NXN: variants seen among roughly 807,000 people sequenced by gnomAD.
NXN encodes nucleoredoxin.
NXN carries 16 observed loss-of-function variants against 48.6 expected under a neutral mutation model. That is an observed-to-expected ratio of 0.33 (90% CI 0.22 to 0.50). NXN has a LOEUF of 0.50. Ranked by LOEUF, NXN falls within the 20% of genes least tolerant of loss-of-function variation. The probability of loss-of-function intolerance (pLI) is 0.98; values close to 1 mark genes in which losing one functional copy is unlikely to be tolerated. For synonymous variants in NXN, 281 were observed against 269.6 expected, an observed-to-expected ratio of 1.04 and a Z score of -0.41; for missense variants, 492 against 605.5, an observed-to-expected ratio of 0.81 and a Z score of 1.97.
chr17:818,010 G>C (rs1398111772), intron 5 of NXN, among the ~76,000 whole-genome samples: 1 of 152,158 alleles, frequency 6.6e-6, no homozygotes, highest in East Asian at 1.9e-4. Context: ...TGTCATCCCA[G>C]CACTTTGGGA....
At chr17:864,831 C>T (rs2144790233) in intron 1 of NXN, among the ~76,000 whole-genome samples, 1 of 152,316 alleles carries the variant, frequency 6.6e-6, no homozygotes, top group South Asian at 2.1e-4. Context: ...GGAGGCAACC[C>T]AGGCGGTGTT....
chr17:896,707 G>C (rs1438023114), intron 1 of NXN, among the ~76,000 whole-genome samples: 3 of 152,130 alleles, frequency 2.0e-5, no homozygotes, highest in African/African-American at 4.8e-5. Context: ...AGTTTTTGTG[G>C]AATTGACAGA....
intron 1 of NXN, among the ~76,000 whole-genome samples, chr17:838,252 C>G (rs1913940908): frequency 6.6e-6 from 1 of 151,634 alleles, no homozygotes; most frequent in Non-Finnish European, 1.5e-5. Context: ...CTGCCTCCGC[C>G]TCCCGAGTAG....
chr17:955,670 GC>G (rs1314447090), intron 1 of NXN, among the ~76,000 whole-genome samples: 1 of 151,154 alleles, frequency 6.6e-6, no homozygotes, highest in Non-Finnish European at 1.5e-5. Context: ...GCCGAGGCGG[GC>G]GGATCACAAG....
chr17:943,818 C>A (rs898333181), intron 1 of NXN, among the ~76,000 whole-genome samples: 12 of 148,994 alleles, frequency 8.1e-5, no homozygotes, highest in African/African-American at 3.0e-4. Flanking sequence ...GAGTATGACT[C>A]CGTCTCTAAA....
chr17:960,092 T>TA lies in NXN; in HGVS notation c.360+19226dup, dbSNP rs544998504. Among the ~76,000 whole-genome samples, 127 of 149,170 alleles carry TA rather than the reference T, an allele frequency of 8.5e-4. 1 individual carries two copies. The highest frequency in any genetic ancestry group is 1.6e-3 in the African/African-American group (67 of 40,682). The stretch of plus-strand genomic sequence containing the variant: ...GGGAGACAGAGCGAGACTCCATCTT[T>TA]AAAAAAAAAATGGAATAATCAAGTG... On this transcript the variant is annotated intron_variant, in intron 1 of 7. Coordinates refer to ENST00000336868, the MANE Select transcript of NXN (RefSeq NM_022463.5).
At chr17:962,514 A>G (rs896922061) in intron 1 of NXN, among the ~76,000 whole-genome samples, 1 of 152,192 alleles carries the variant, frequency 6.6e-6, no homozygotes, top group Non-Finnish European at 1.5e-5. Context: ...CCAAAAATAC[A>G]AAAATTAGCC....
rs376336626 is a variant in NXN, at chr17:954,845, TC to T, written c.360+24473del. ...ACTCCCAGATTGAAGCACCTGACCT[TC>T]TGTAAATTCCTTTCTTTACATTGCA... On this transcript the variant is annotated intron_variant, in intron 1 of 7. Coordinates refer to ENST00000336868, the MANE Select transcript of NXN (RefSeq NM_022463.5). 9.4e-3 allele frequency among the ~76,000 whole-genome samples: 1,429 copies of T among 152,372 alleles called. 20 individuals are homozygous for T. Among genetic ancestry groups the T allele is most frequent in the African/African-American group, 0.033 (1,377 of 41,588 alleles).
chr17:935,296 G>C (rs550961117), intron 1 of NXN, among the ~76,000 whole-genome samples: 58 of 152,184 alleles, frequency 3.8e-4, no homozygotes, highest in African/African-American at 1.3e-3. Context: ...GCCCGGCCTT[G>C]CTGTGCTCTT....
At chr17:835,152 C>CA (rs386794275) in intron 1 of NXN, among the ~76,000 whole-genome samples, 34 of 151,078 alleles carry the variant, frequency 2.3e-4, no homozygotes, top group Non-Finnish European at 3.7e-4. Context: ...ACTAAAAATA[C>CA]AAAAAATTAG....
At chr17:954,482 C>T (rs1392734493) in intron 1 of NXN, among the ~76,000 whole-genome samples, 1 of 152,208 alleles carries the variant, frequency 6.6e-6, no homozygotes, top group Non-Finnish European at 1.5e-5. Context: ...CCAAATTCTC[C>T]AGGCTCAGGG....
intron 1 of NXN, among the ~76,000 whole-genome samples, chr17:961,291 G>A (rs566448827): frequency 2.6e-5 from 4 of 151,960 alleles, no homozygotes; most frequent in African/African-American, 4.8e-5. Context: ...AGGCTGAGGC[G>A]GGAGAATCGC....
chr17:824,482 G>T, intron 2 of NXN, among the ~76,000 whole-genome samples: 1 of 152,252 alleles, frequency 6.6e-6, no homozygotes, highest in East Asian at 1.9e-4. Context: ...GGGAATCATC[G>T]CCTCGGGGCC....
intron 1 of NXN, among the ~76,000 whole-genome samples, chr17:908,509 C>T (rs1028192793): frequency 6.6e-6 from 1 of 152,110 alleles, no homozygotes; most frequent in African/African-American, 2.4e-5. Context: ...GCACTCCAGC[C>T]TGGGCAACAG....
At chr17:889,361 C>T (rs959720539) in intron 1 of NXN, among the ~76,000 whole-genome samples, 3 of 152,188 alleles carry the variant, frequency 2.0e-5, no homozygotes, top group Non-Finnish European at 2.9e-5. Flanking sequence ...GATCCTGCAT[C>T]GGAGGCAAAA....
intron 1 of NXN, among the ~76,000 whole-genome samples, chr17:851,000 G>A (rs1222065245): frequency 6.6e-6 from 1 of 152,212 alleles, no homozygotes; most frequent in African/African-American, 2.4e-5. Context: ...CACTTGCTTA[G>A]GAAACTTAAA....
intron 1 of NXN, chr17:897,026 C>A: frequency 9.1e-7 from 1 of 1,094,844 alleles, no homozygotes; most frequent in Non-Finnish European, 1.1e-6. Flanking sequence ...GAAACTCCGG[C>A]GTGCCTAACA....
At chr17:921,168 CA>C (rs2068747355) in intron 1 of NXN, among the ~76,000 whole-genome samples, 1 of 152,148 alleles carries the variant, frequency 6.6e-6, no homozygotes, top group Admixed American at 6.5e-5. Flanking sequence ...GGCTGGCACA[CA>C]GGGGAGCCCC....
At position 809,938 on chromosome 17, in the gene NXN, G is replaced by A. The variant is rs1167923414; in HGVS notation, c.821-4691C>T. 1.4e-4 allele frequency among the ~76,000 whole-genome samples: 20 copies of A among 142,702 alleles called. 1 individual carries two copies. The highest frequency in any genetic ancestry group is 4.5e-4 in the African/African-American group (18 of 39,854). 93.6% of individuals were successfully genotyped at this position (142,702 alleles called of 152,430 possible). On this transcript the variant is annotated intron_variant, in intron 5 of 7. Coordinates refer to ENST00000336868, the MANE Select transcript of NXN (RefSeq NM_022463.5). ...CACGTTAAGAGTCCGTGTGAGTGGCGTGTACGTTACGAGTCTGTGTGAGTG... is the reference window on the plus strand; with the variant it reads ...CACGTTAAGAGTCCGTGTGAGTGGCATGTACGTTACGAGTCTGTGTGAGTG...
Sources: gnomAD v4.1 joint callset for allele counts (sites outside exome capture counted in the v4.1 genomes callset) on GRCh38, gnomAD v4.1.1 for gene constraint, MANE v1.5 for transcripts, NCBI Gene and HGNC (gene_info 2026-07-23, HGNC 2026-07-21) for gene names.